MFAP3: variants seen among roughly 807,000 people sequenced by gnomAD.
The protein encoded by MFAP3 is microfibril-associated glycoprotein 3.
MFAP3 carries 8 observed loss-of-function variants against 20.5 expected under a neutral mutation model. That is an observed-to-expected ratio of 0.39 (90% CI 0.23 to 0.70). The LOEUF (loss-of-function observed/expected upper bound fraction) is 0.70, where lower values mean the gene tolerates loss of function less well. Ranked by LOEUF, MFAP3 falls within the 30% of genes least tolerant of loss-of-function variation. MFAP3 has a pLI of 0.44. For missense variants in MFAP3, 398 were observed against 444.6 expected (o/e 0.90, Z 0.94); for synonymous variants, 140 against 154.0 (o/e 0.91, Z 0.67).
intron 1 of MFAP3, among the ~76,000 whole-genome samples, chr5:154,045,713 A>G (rs2113558801): frequency 6.6e-6 from 1 of 152,298 alleles, no homozygotes; most frequent in Middle Eastern, 3.4e-3. Context: ...GGGCTGAGGC[A>G]GGGAGATTAA....
chr5:154,055,225 G>T lies in MFAP3; in HGVS notation c.*1512G>T, dbSNP rs1030636886. 6.6e-6 allele frequency among the ~76,000 whole-genome samples: 1 copy of T among 152,216 alleles called. No individual in the cohort carries two copies. Among genetic ancestry groups the T allele is most frequent in the African/African-American group, 2.4e-5 (1 of 41,466 alleles). On this transcript the variant is annotated 3_prime_UTR_variant, in exon 3 of 3. Transcript: ENST00000522782. Reference sequence around the variant, plus strand: ...TCAGCTAGAGGCTCCTGAGGGAAATGTTCAGAGGAGGTTTTATCAGGATTT... The same window carrying T: ...TCAGCTAGAGGCTCCTGAGGGAAATTTTCAGAGGAGGTTTTATCAGGATTT...
At chr5:154,045,577 A>G (rs1053019766) in intron 1 of MFAP3, among the ~76,000 whole-genome samples, 1 of 152,238 alleles carries the variant, frequency 6.6e-6, no homozygotes, top group Non-Finnish European at 1.5e-5. Flanking sequence ...ACCATGAACA[A>G]TAATAATAGA....
Position 154,054,027 on chromosome 5 carries a change from A to G in MFAP3, c.*314A>G, listed in dbSNP as rs1773271616. On this transcript the variant is annotated 3_prime_UTR_variant, in exon 3 of 3. Transcript: ENST00000522782. Reference sequence around the variant, plus strand: ...TTTCTCTTCTGGTCACAGTTCTTCCATTGGTTGGATCTGATACTTATCTTG... The same window carrying G: ...TTTCTCTTCTGGTCACAGTTCTTCCGTTGGTTGGATCTGATACTTATCTTG... 1 of 270,270 alleles carries G rather than the reference A, an allele frequency of 3.7e-6. No homozygotes were observed. The highest frequency in any genetic ancestry group is 8.4e-5 in the East Asian group (1 of 11,900). 16.7% of individuals were successfully genotyped at this position (270,270 alleles called of 1,614,324 possible). A position where few individuals can be genotyped will look rare whatever the true frequency, so the allele number is the denominator to read the frequency against.
In MFAP3 at chr5:154,053,846, C is replaced by G. The variant is rs992904071; in HGVS notation, c.*133C>G. Reference sequence around the variant, plus strand: ...TTTGTTAATATTAAGCACATCAGAACGTGAATTGCCAAAGTCTTCATTAGA... The same window carrying G: ...TTTGTTAATATTAAGCACATCAGAAGGTGAATTGCCAAAGTCTTCATTAGA... On this transcript the variant is annotated 3_prime_UTR_variant, in exon 3 of 3. Coordinates refer to ENST00000522782, the MANE Select transcript of MFAP3 (RefSeq NM_005927.5). The G allele has an allele frequency of 1.3e-6, 1 of 752,576 alleles. No homozygotes were observed. Among genetic ancestry groups the G allele is most frequent in the East Asian group, 2.7e-5 (1 of 37,580 alleles). The allele number at this position is 752,576 out of a possible 1,614,324, so 46.6% of individuals were successfully genotyped here.
chr5:154,053,056 G>A lies in MFAP3; in HGVS notation c.432G>A (p.Ser144=), dbSNP rs143373000. Residue 144 remains serine (S), a synonymous_variant, in exon 3 of 3, where the codon TCG becomes TCA. Transcript: ENST00000522782. ...TCACCCTACGTGTTATCTTCACCTC[G>A]GGAGACATGAGTGTCTATTACATGA... The part of the protein sequence containing the change: ...YSVTLRVIFT[S]GDMSVYYMIV... The A allele has an allele frequency of 1.5e-5, 25 of 1,613,612 alleles. No individual in the cohort carries two copies. Among genetic ancestry groups the A allele is most frequent in the Admixed American group, 1.7e-5 (1 of 59,924 alleles).
chr5:154,043,719 G>T (rs1215811130), intron 1 of MFAP3, among the ~76,000 whole-genome samples: 2 of 135,450 alleles, frequency 1.5e-5, no homozygotes, highest in Non-Finnish European at 3.1e-5. Context: ...ATTAAAAACA[G>T]CAGGCATAAT....
chr5:154,048,576 GA>G (rs759388926), intron 1 of MFAP3, among the ~76,000 whole-genome samples: 16 of 152,014 alleles, frequency 1.1e-4, no homozygotes, highest in Non-Finnish European at 2.4e-4. Flanking sequence ...ATATTTTATA[GA>G]AATAAAAGTT....
In MFAP3 at chr5:154,054,921, G is replaced by A. The variant is rs1257415308; in HGVS notation, c.*1208G>A. 6.0e-6 allele frequency: 1 copy of A among 167,016 alleles called. No homozygotes were observed. The highest frequency in any genetic ancestry group is 6.5e-5 in the Admixed American group (1 of 15,274). The allele number at this position is 167,016 out of a possible 1,614,324, so 10.3% of individuals were successfully genotyped here. ...CTGAAATAAGATTAGATAATTGTGAGGGTGTGTTACTATATTAAAATACAC... is the reference window on the plus strand; with the variant it reads ...CTGAAATAAGATTAGATAATTGTGAAGGTGTGTTACTATATTAAAATACAC... On this transcript the variant is annotated 3_prime_UTR_variant, in exon 3 of 3. Transcript: ENST00000522782.
At chr5:154,049,307 G>A (rs971755459) in intron 1 of MFAP3, among the ~76,000 whole-genome samples, 1 of 152,174 alleles carries the variant, frequency 6.6e-6, no homozygotes, top group Non-Finnish European at 1.5e-5. Flanking sequence ...GAAACCCAGA[G>A]AGAATGCTGC....
At chr5:154,040,652 C>A (rs983614365) in intron 1 of MFAP3, among the ~76,000 whole-genome samples, 2 of 152,118 alleles carry the variant, frequency 1.3e-5, no homozygotes, top group Non-Finnish European at 2.9e-5. Context: ...ATCAATAAAC[C>A]TATATGCACA....
intron 2 of MFAP3, among the ~76,000 whole-genome samples, chr5:154,052,559 G>A (rs1240044424): frequency 6.6e-6 from 1 of 152,144 alleles, no homozygotes; most frequent in Non-Finnish European, 1.5e-5. Flanking sequence ...TGGTTGCAAT[G>A]TGATGTAGAC....
At position 154,053,418 on chromosome 5, in the gene MFAP3, A is replaced by G. The variant is rs547055937; in HGVS notation, c.794A>G (p.Asp265Gly). Reference protein sequence around the residue: ...MFEAVRVDDPDDLGERIKERP... With the variant: ...MFEAVRVDDPGDLGERIKERP... ...GAGGCTGTGCGAGTGGACGACCCTG[A>G]TGACCTGGGTGAAAGAATTAAAGAG... Residue 265 changes from aspartate (D) to glycine (G), a missense_variant, in exon 3 of 3, where the codon GAT (aspartate) becomes GGT (glycine). Transcript: ENST00000522782. 7.4e-6 allele frequency: 12 copies of G among 1,613,994 alleles called. No homozygotes were observed. The South Asian group carries it at 7.7e-5, about 10-fold the overall frequency.
In MFAP3 at chr5:154,055,269, A is replaced by G. The variant is rs1581869694; in HGVS notation, c.*1556A>G. ...AGGATTTTAATTTAAGGTTTCAAAC[A>G]GGGGAAGACAGGAAATTCAAAGCGT... On this transcript the variant is annotated 3_prime_UTR_variant, in exon 3 of 3. Transcript: ENST00000522782. Among the ~76,000 whole-genome samples, 1 of 148,688 alleles carries G rather than the reference A, an allele frequency of 6.7e-6. No homozygotes were observed. The highest frequency in any genetic ancestry group is 1.5e-5 in the Non-Finnish European group (1 of 67,940).
chr5:154,053,511 C>T lies in MFAP3; in HGVS notation c.887C>T (p.Pro296Leu). ...CCAGAGATGGGACGGAGTAATTCAC[C>T]AGGAGGAGATTCAGATGATGGCTCT... The part of the protein sequence containing the change: ...INPEMGRSNS[P>L]GGDSDDGSLN... The change falls in exon 3 of 3, where the codon CCA becomes CTA. Residue 296 changes from proline (P) to leucine (L), a missense_variant. Transcript: ENST00000522782. The T allele has an allele frequency of 6.2e-7, 1 of 1,613,726 alleles. No individual in the cohort carries two copies. Among genetic ancestry groups the T allele is most frequent in the South Asian group, 1.1e-5 (1 of 91,068 alleles).
In MFAP3 at chr5:154,052,932, T is replaced by C; in HGVS notation, c.308T>C (p.Leu103Ser). 2.5e-6 allele frequency: 4 copies of C among 1,609,350 alleles called. No individual in the cohort carries two copies. The highest frequency in any genetic ancestry group is 3.4e-6 in the Non-Finnish European group (4 of 1,176,502). The stretch of plus-strand genomic sequence containing the variant: ...GTTCAATTATCAGGTGGAAAGTGGT[T>C]GGTTTCTGATAACTTCCTAAACATC... ...LDGRSRGGKWLVSDNFLNITN... is the reference protein window; with the variant it reads ...LDGRSRGGKWSVSDNFLNITN... The change falls in exon 3 of 3, where the codon TTG becomes TCG. Residue 103 changes from leucine (L) to serine (S), a missense_variant. Physicochemically the swap from Leu to Ser is moderately radical, Grantham distance 145 (BLOSUM62 -2). Coordinates refer to ENST00000522782, the MANE Select transcript of MFAP3 (RefSeq NM_005927.5).
intron 2 of MFAP3, among the ~76,000 whole-genome samples, chr5:154,051,168 T>C (rs1773183431): frequency 6.6e-6 from 1 of 152,182 alleles, no homozygotes; most frequent in Non-Finnish European, 1.5e-5. Flanking sequence ...ACCTGGAATG[T>C]GTACTTTGAA....
At chr5:154,047,043 G>GT (rs1299053203) in intron 1 of MFAP3, among the ~76,000 whole-genome samples, 1 of 152,094 alleles carries the variant, frequency 6.6e-6, no homozygotes, top group Admixed American at 6.6e-5. Context: ...TTTTTTAGCT[G>GT]TTTTTTGTGA....
At chr5:154,042,665 T>C (rs1467916939) in intron 1 of MFAP3, among the ~76,000 whole-genome samples, 1 of 152,190 alleles carries the variant, frequency 6.6e-6, no homozygotes, top group Admixed American at 6.5e-5. Flanking sequence ...TTTCTCCCCT[T>C]TGCCGATTCA....
At chr5:154,045,152 AC>A (rs570064735) in intron 1 of MFAP3, among the ~76,000 whole-genome samples, 39 of 151,956 alleles carry the variant, frequency 2.6e-4, no homozygotes, top group Non-Finnish European at 4.9e-4. Context: ...TCCTCAAATG[AC>A]CCTGACCCAC....
Sources: allele counts gnomAD v4.1 joint callset (sites outside exome capture counted in the v4.1 genomes callset), GRCh38; gene constraint gnomAD v4.1.1; transcripts MANE v1.5; gene names NCBI Gene and HGNC (gene_info 2026-07-23, HGNC 2026-07-21).